SLC22A16: variants seen among roughly 807,000 people sequenced by gnomAD.
The protein encoded by SLC22A16 is WUGSC:RG331P03.1.
SLC22A16 carries 53 observed loss-of-function variants against 52.9 expected under a neutral mutation model. The observed-to-expected ratio is 1.00, with a 90% CI of 0.80 to 1.26. The LOEUF is 1.26. Among genes scored for constraint, SLC22A16 ranks in the 50% most tolerant of loss-of-function variants. The probability of loss-of-function intolerance (pLI) is 0.00; values close to 1 mark genes in which losing one functional copy is unlikely to be tolerated. For missense variants in SLC22A16, 726 were observed against 704.0 expected (o/e 1.03, Z -0.35); for synonymous variants, 291 against 268.8 (o/e 1.08, Z -0.81).
chr6:110,448,423 AAT>A (rs1371462043), intron 2 of SLC22A16, among the ~76,000 whole-genome samples: 4 of 152,198 alleles, frequency 2.6e-5, no homozygotes. Flanking sequence ...ATAATAAGCA[AAT>A]ATTTTCTTCC....
chr6:110,436,082 A>G, intron 5 of SLC22A16, 121 bp from the exon 6 acceptor site: 1 of 652,426 alleles, frequency 1.5e-6, no homozygotes, highest in African/African-American at 1.8e-5. Context: ...AACAATGAAG[A>G]CCCTTATTTT....
chr6:110,425,949 G>A (rs138645241), intron 7 of SLC22A16, among the ~76,000 whole-genome samples: 155 of 152,200 alleles, frequency 1.0e-3, no homozygotes, highest in African/African-American at 3.6e-3. Flanking sequence ...ATAAATTAAG[G>A]TGTGGCTTTT....
At chr6:110,460,869 G>A (rs143173965) in intron 1 of SLC22A16, among the ~76,000 whole-genome samples, 27 of 152,320 alleles carry the variant, frequency 1.8e-4, no homozygotes, top group African/African-American at 5.5e-4. Context: ...TTTCTTCTAG[G>A]GGGAGCACAG....
In SLC22A16 at chr6:110,438,809, C is replaced by G. The variant is rs144862556; in HGVS notation, c.1222G>C (p.Ala408Pro). 71 of 1,614,038 alleles carry G rather than the reference C, an allele frequency of 4.4e-5. No homozygotes were observed. In the African/African-American group the frequency reaches 9.1e-4, roughly 21 times the overall value. ...EIPAYTFVCI[A>P]MDKVGRRTVL... ...GTTCTCCTCCCGACCTTGTCCATGGCGATGCACACGAAGGTGTAGGCGGGA... is the reference window on the plus strand; with the variant it reads ...GTTCTCCTCCCGACCTTGTCCATGGGGATGCACACGAAGGTGTAGGCGGGA... Residue 408 changes from alanine (A) to proline (P), a missense_variant, in exon 5 of 8, where the codon GCC becomes CCC. Ala to Pro is a conservative substitution (Grantham distance 27). Transcript: ENST00000368919.
In SLC22A16 at chr6:110,424,992, C is replaced by A. The variant is rs778459211; in HGVS notation, c.1615G>T (p.Ala539Ser). The A allele has an allele frequency of 3.1e-6, 5 of 1,614,132 alleles. No homozygotes were observed. The highest frequency in any genetic ancestry group is 4.2e-6 in the Non-Finnish European group (5 of 1,180,026). Residue 539 changes from alanine (A) to serine (S), a missense_variant, in exon 8 of 8, where the codon GCT becomes TCT. Ala to Ser is a moderately conservative substitution (Grantham distance 99, BLOSUM62 1). Coordinates refer to ENST00000368919, the MANE Select transcript of SLC22A16 (RefSeq NM_033125.4). Reference sequence around the variant, plus strand: ...TCATTCTCTGACTCCAGTTTTGCAGCCTCCTCCCAAGTAGTTGCTAGCCGT... The same window carrying A: ...TCATTCTCTGACTCCAGTTTTGCAGACTCCTCCCAAGTAGTTGCTAGCCGT... ...GKRLATTWEE[A>S]AKLESENESK...
At position 110,433,842 on chromosome 6, in the gene SLC22A16, T is replaced by C. The variant is rs6941240; in HGVS notation, c.1421+2010A>G. ...CTGCAGATAGGAAACTATTACGGAATTTCACAGAGGGAGATCTGTGGGACA... is the reference window on the plus strand; with the variant it reads ...CTGCAGATAGGAAACTATTACGGAACTTCACAGAGGGAGATCTGTGGGACA... On this transcript the variant is annotated intron_variant, in intron 6 of 7. Coordinates refer to ENST00000368919, the MANE Select transcript of SLC22A16 (RefSeq NM_033125.4). Among the ~76,000 whole-genome samples the C allele has an allele frequency of 2.5e-3, 382 of 152,238 alleles. 1 individual carries two copies. The highest frequency in any genetic ancestry group is 8.8e-3 in the African/African-American group (364 of 41,546).
chr6:110,445,416 T>C (rs552940288), intron 3 of SLC22A16, among the ~76,000 whole-genome samples: 1 of 152,320 alleles, frequency 6.6e-6, no homozygotes, highest in East Asian at 1.9e-4. Flanking sequence ...TTTTTGAAGA[T>C]GGCTGATCAA....
intron 7 of SLC22A16, chr6:110,425,438 G>A (rs1582508771): frequency 7.7e-7 from 1 of 1,307,030 alleles, no homozygotes; most frequent in African/African-American, 1.5e-5. Context: ...CCAGAATCTT[G>A]TGGAGAAGAC....
intron 5 of SLC22A16, 106 bp from the exon 6 acceptor site, chr6:110,436,067 T>C: frequency 1.4e-6 from 1 of 736,832 alleles, no homozygotes; most frequent in East Asian, 2.7e-5. Context: ...TCAGTATTTT[T>C]TCAGAACAAT....
chr6:110,454,687 A>G (rs1403529060), intron 2 of SLC22A16, among the ~76,000 whole-genome samples: 2 of 77,290 alleles, frequency 2.6e-5, no homozygotes, highest in Non-Finnish European at 4.4e-5. Flanking sequence ...TATATATTTT[A>G]TATTATATAT....
Position 110,441,622 on chromosome 6 carries a change from A to C in SLC22A16, c.1183+622T>G, listed in dbSNP as rs140445441. 2.6e-3 allele frequency among the ~76,000 whole-genome samples: 394 copies of C among 152,330 alleles called. 1 individual carries two copies. The highest frequency in any genetic ancestry group is 8.6e-3 in the African/African-American group (358 of 41,572). On this transcript the variant is annotated intron_variant, in intron 4 of 7. Coordinates refer to ENST00000368919, the MANE Select transcript of SLC22A16 (RefSeq NM_033125.4). ...CAAAGAATGAAAATATCTGCTTATG[A>C]GGAGAGTGTTTTGAGAGAGTTAACC...
chr6:110,467,245 G>A (rs1372687129), intron 1 of SLC22A16, among the ~76,000 whole-genome samples: 3 of 151,758 alleles, frequency 2.0e-5, no homozygotes, highest in African/African-American at 4.8e-5. Flanking sequence ...TTCACTGCCA[G>A]CTTCTCTCAG....
At chr6:110,461,229 G>A (rs1223904244) in intron 1 of SLC22A16, among the ~76,000 whole-genome samples, 1 of 152,204 alleles carries the variant, frequency 6.6e-6, no homozygotes, top group Non-Finnish European at 1.5e-5. Context: ...ACTGGAGAAA[G>A]AGGCTCTGAC....
chr6:110,469,255 G>C (rs528679592), intron 1 of SLC22A16, among the ~76,000 whole-genome samples: 3 of 152,260 alleles, frequency 2.0e-5, no homozygotes, highest in African/African-American at 7.2e-5. Context: ...TAGGCCGGGC[G>C]CAGTGGCTCA....
chr6:110,426,047 C>A (rs2114867935), intron 7 of SLC22A16, among the ~76,000 whole-genome samples: 1 of 152,308 alleles, frequency 6.6e-6, no homozygotes, highest in East Asian at 1.9e-4. Flanking sequence ...GATGCCAGAT[C>A]ACATCCATAA....
At position 110,424,924 on chromosome 6, in the gene SLC22A16, C is replaced by A. The variant is rs775428561; in HGVS notation, c.1683G>T (p.Gly561=). The A allele has an allele frequency of 6.2e-7, 1 of 1,614,080 alleles. No homozygotes were observed. The highest frequency in any genetic ancestry group is 1.1e-5 in the South Asian group (1 of 91,068). Residue 561 remains glycine (G), a synonymous_variant, in exon 8 of 8, where the codon GGG becomes GGT. Transcript: ENST00000368919. ...SKLLLTTNNS[G]LEKTEAITPR... ...GGGTAATCGCTTCCGTTTTTTCCAG[C>A]CCACTATTATTAGTTGTGAGAAGTA... is the stretch of plus-strand genomic sequence containing the variant.
intron 5 of SLC22A16, among the ~76,000 whole-genome samples, chr6:110,437,705 G>A (rs1774788395): frequency 6.6e-6 from 1 of 152,114 alleles, no homozygotes; most frequent in Non-Finnish European, 1.5e-5. Context: ...CTGTTATAGT[G>A]ACATTTTGCA....
In SLC22A16 at chr6:110,431,235, C is replaced by T. The variant is rs767217245; in HGVS notation, c.1457G>A (p.Arg486His). Residue 486 changes from arginine to histidine, a missense_variant, in exon 7 of 8, where the codon CGC (arginine) becomes CAC (histidine). Transcript: ENST00000368919. ...GAACGGCGCCAGGATGCTGGCCAGG[C>T]GACACACCATGCTGCCGCTTCCCAC... Reference protein sequence around the residue: ...LAVGSGSMVCRLASILAPFSV... With the variant: ...LAVGSGSMVCHLASILAPFSV... 3.0e-5 allele frequency: 49 copies of T among 1,613,178 alleles called. No homozygotes were observed. The highest frequency in any genetic ancestry group is 1.6e-4 in the Middle Eastern group (1 of 6,084).
chr6:110,451,397 G>A (rs1775374975), intron 2 of SLC22A16, among the ~76,000 whole-genome samples: 1 of 152,084 alleles, frequency 6.6e-6, no homozygotes, highest in African/African-American at 2.4e-5. Flanking sequence ...AACCCAATTT[G>A]GATTCTCAGT....
Sources: allele counts gnomAD v4.1 joint callset (sites outside exome capture counted in the v4.1 genomes callset), GRCh38; gene constraint gnomAD v4.1.1; transcripts MANE v1.5; gene names NCBI Gene and HGNC (gene_info 2026-07-23, HGNC 2026-07-21).